Variants in MECOM observed in about 807,000 individuals in gnomAD.
The protein encoded by MECOM is MDS1 and EVI1 complex locus, also known as histone-lysine N-methyltransferase MECOM.
A neutral mutation model predicts 116.3 loss-of-function variants in MECOM; 13 were observed. The ratio of observed to expected loss-of-function variants is 0.11; its 90% CI spans 0.07 to 0.18. The LOEUF (loss-of-function observed/expected upper bound fraction) is 0.18. Among genes scored for constraint, MECOM ranks in the 10% least tolerant of loss-of-function variants. The probability of loss-of-function intolerance (pLI) is 1.00; values close to 1 mark genes in which losing one functional copy is unlikely to be tolerated. For missense variants in MECOM, 1,299 were observed against 1,509.0 expected (o/e 0.86, Z 2.31); for synonymous variants, 528 against 535.2 (o/e 0.99, Z 0.19).
chr3:169,098,887 C>T (rs2148926758), intron 12 of MECOM, among the ~76,000 whole-genome samples: 1 of 152,178 alleles, frequency 6.6e-6, no homozygotes, highest in South Asian at 2.1e-4. Context: ...AAAGATAGTA[C>T]ATAGTACCCA....
chr3:169,576,051 T>C (rs967774149), intron 1 of MECOM, among the ~76,000 whole-genome samples: 7 of 152,184 alleles, frequency 4.6e-5, no homozygotes, highest in Middle Eastern at 3.2e-3. Flanking sequence ...TCTACAGTGA[T>C]GCAGGGTAGG....
intron 2 of MECOM, among the ~76,000 whole-genome samples, chr3:169,229,224 C>G: frequency 6.6e-6 from 1 of 152,158 alleles, no homozygotes. Flanking sequence ...ATTCCTTAGG[C>G]CTGTTGGGAC....
intron 1 of MECOM, among the ~76,000 whole-genome samples, chr3:169,631,019 T>C (rs1054148390): frequency 3.9e-5 from 6 of 152,228 alleles, no homozygotes; most frequent in African/African-American, 1.4e-4. Context: ...GGGAAGCATA[T>C]TGATGTCCTC....
intron 2 of MECOM, among the ~76,000 whole-genome samples, chr3:169,327,600 T>C (rs1483485867): frequency 7.2e-6 from 1 of 138,702 alleles, no homozygotes; most frequent in African/African-American, 2.7e-5. Context: ...ACCACACCAT[T>C]GCACTCCAGC....
intron 2 of MECOM, among the ~76,000 whole-genome samples, chr3:169,172,892 G>A (rs1283865016): frequency 6.6e-6 from 1 of 151,890 alleles, no homozygotes; most frequent in Non-Finnish European, 1.5e-5. Context: ...TTGTCTTATT[G>A]GATTCTCGTG....
At chr3:169,344,237 G>GT (rs1156384884) in intron 2 of MECOM, among the ~76,000 whole-genome samples, 3 of 152,144 alleles carry the variant, frequency 2.0e-5, no homozygotes, top group Non-Finnish European at 4.4e-5. Flanking sequence ...ACATATATGT[G>GT]TTTTTTGTGT....
rs1046892962 is a variant in MECOM at position 169,423,303 on chromosome 3, T to C, written c.38-41779A>G. Among the ~76,000 whole-genome samples, 4 of 152,166 alleles carry C rather than the reference T, an allele frequency of 2.6e-5. No individual in the cohort carries two copies. In the East Asian group the frequency reaches 5.8e-4, roughly 22 times the overall value. ...CAACAGGAAAAAGAAAACAGAAAAA[T>C]TGGTACTTTGCATAAGCCAATTAAC... On this transcript the variant is annotated intron_variant, in intron 1 of 16. Coordinates refer to ENST00000651503, the MANE Select transcript of MECOM (RefSeq NM_004991.4).
intron 2 of MECOM, among the ~76,000 whole-genome samples, chr3:169,365,059 AT>A (rs1046153257): frequency 2.0e-5 from 3 of 152,032 alleles, no homozygotes; most frequent in Non-Finnish European, 2.9e-5. Flanking sequence ...CAAGAAATCT[AT>A]TTTTATCTCT....
At chr3:169,440,058 T>A (rs974695861) in intron 1 of MECOM, among the ~76,000 whole-genome samples, 2 of 152,100 alleles carry the variant, frequency 1.3e-5, no homozygotes, top group African/African-American at 4.8e-5. Context: ...ACTTCTAGAG[T>A]AAGGCAGAAG....
At chr3:169,187,947 A>G (rs1746992733) in intron 2 of MECOM, among the ~76,000 whole-genome samples, 1 of 152,010 alleles carries the variant, frequency 6.6e-6, no homozygotes, top group African/African-American at 2.4e-5. Flanking sequence ...TTGCTCTATC[A>G]TTTGCTTCCC....
At chr3:169,658,080 C>T (rs1471966125) in intron 1 of MECOM, among the ~76,000 whole-genome samples, 1 of 152,124 alleles carries the variant, frequency 6.6e-6, no homozygotes, top group East Asian at 1.9e-4. Context: ...ACTCTGAAGG[C>T]CAGAAGAGTG....
chr3:169,203,031 C>A (rs1749394138), intron 2 of MECOM, among the ~76,000 whole-genome samples: 2 of 152,186 alleles, frequency 1.3e-5, no homozygotes, highest in Admixed American at 6.5e-5. Context: ...CATTTCTCAC[C>A]AACTTCCTCT....
At chr3:169,554,529 C>G (rs780145562) in intron 1 of MECOM, among the ~76,000 whole-genome samples, 20 of 152,186 alleles carry the variant, frequency 1.3e-4, no homozygotes, top group Non-Finnish European at 2.5e-4. Context: ...GCAAAGTTAT[C>G]CAAAACCAGG....
At chr3:169,445,630 T>C (rs1744498346) in intron 1 of MECOM, among the ~76,000 whole-genome samples, 1 of 152,138 alleles carries the variant, frequency 6.6e-6, no homozygotes. Context: ...ACCGGGACAC[T>C]TTCTAGTGGA....
chr3:169,132,019 T>C (rs1734882796), intron 3 of MECOM: 15 of 964,844 alleles, frequency 1.6e-5, no homozygotes, highest in African/African-American at 1.8e-5. Flanking sequence ...TGAAAGGACA[T>C]GACATAAAGG....
chr3:169,308,157 C>G (rs1056233413), intron 2 of MECOM, among the ~76,000 whole-genome samples: 7 of 152,016 alleles, frequency 4.6e-5, no homozygotes, highest in Admixed American at 4.6e-4. Flanking sequence ...GACTTGTTCC[C>G]TAATTGTCTC....
At chr3:169,201,257 A>ATGTGTG (rs59517316) in intron 2 of MECOM, among the ~76,000 whole-genome samples, 1 of 150,216 alleles carries the variant, frequency 6.7e-6, no homozygotes, top group Non-Finnish European at 1.5e-5. Flanking sequence ...TTTAGACAAG[A>ATGTGTG]TGTGTGTGTG....
At chr3:169,635,285 A>G (rs1326296112) in intron 1 of MECOM, among the ~76,000 whole-genome samples, 1 of 152,270 alleles carries the variant, frequency 6.6e-6, no homozygotes, top group Non-Finnish European at 1.5e-5. Context: ...TTAAGAGCTT[A>G]GAACAGTGCC....
chr3:169,500,993 T>C (rs896628983), intron 1 of MECOM, among the ~76,000 whole-genome samples: 3 of 152,152 alleles, frequency 2.0e-5, no homozygotes, highest in African/African-American at 4.8e-5. Context: ...TAAGTTCAAT[T>C]TGATCATTGT....
Sources: gnomAD v4.1 joint callset for allele counts (sites outside exome capture counted in the v4.1 genomes callset) on GRCh38, gnomAD v4.1.1 for gene constraint, MANE v1.5 for transcripts, NCBI Gene and HGNC (gene_info 2026-07-23, HGNC 2026-07-21) for gene names.